PKD2L2: variants seen among roughly 807,000 people sequenced by gnomAD.
The protein encoded by PKD2L2 is polycystin 2 like 2, transient receptor potential cation channel.
Under a neutral mutation model 83.9 loss-of-function variants are expected in PKD2L2, and 67 were observed. The observed-to-expected ratio is 0.80, with a 90% confidence interval of 0.66 to 0.98. PKD2L2 has a LOEUF of 0.98. PKD2L2 is among the 50% of genes least tolerant of loss of function. PKD2L2 has a pLI of 0.00. For synonymous variants in PKD2L2, 223 were observed against 237.8 expected, an observed-to-expected ratio of 0.94 and a Z score of 0.57; for missense variants, 632 against 717.2, an observed-to-expected ratio of 0.88 and a Z score of 1.36.
In PKD2L2 at chr5:137,935,844, GA is replaced by G; in HGVS notation, c.1724del (p.Lys575SerfsTer38). 2 of 1,612,040 alleles carry G rather than the reference GA, an allele frequency of 1.2e-6. No individual in the cohort carries two copies. Among genetic ancestry groups the G allele is most frequent in the Non-Finnish European group, 1.7e-6 (2 of 1,178,246 alleles). ...QMKKWKERLEKKYYSMEIQDD... is the reference protein window; with the variant it reads ...QMKKWKERLEXKYYSMEIQDD... ...TGAAAAAATGGAAAGAGAGGCTTGAGAAAAAGTATTATTCTATGGAAATTCA... is the reference window on the plus strand; with the variant it reads ...TGAAAAAATGGAAAGAGAGGCTTGAGAAAAGTATTATTCTATGGAAATTCA... On this transcript the variant is annotated frameshift_variant, in exon 13 of 15. Transcript: ENST00000508883. LOFTEE classifies it high-confidence loss of function.
At position 137,907,805 on chromosome 5, in the gene PKD2L2, C is replaced by A; in HGVS notation, c.1039C>A (p.Gln347Lys). 1.9e-6 allele frequency: 3 copies of A among 1,588,738 alleles called. No homozygotes were observed. The highest frequency in any genetic ancestry group is 8.6e-7 in the Non-Finnish European group (1 of 1,162,194). ...YNVQIFLLLG[Q>K]LLKSTEKYSD... ...TGTACAAATTTTTCTCTTACTTGGACAGCTGTTGAAAAGTACTGAAAAATA... is the reference window on the plus strand; with the variant it reads ...TGTACAAATTTTTCTCTTACTTGGAAAGCTGTTGAAAAGTACTGAAAAATA... Residue 347 changes from glutamine to lysine, a missense_variant, in exon 7 of 15, where the codon CAG becomes AAG. By Grantham distance (53) the Gln-to-Lys change is moderately conservative (BLOSUM62 1). This residue lies in a region of PKD2L2 where 399 missense variants were observed against 416.9 expected (regional missense o/e 0.96). Coordinates refer to ENST00000508883, the MANE Select transcript of PKD2L2 (RefSeq NM_001300921.2).
At chr5:137,933,050 CAA>C (rs34015851) in intron 12 of PKD2L2, among the ~76,000 whole-genome samples, 1 of 122,694 alleles carries the variant, frequency 8.2e-6, no homozygotes, top group Admixed American at 8.3e-5. Context: ...CAAAACAAAC[CAA>C]AAAAAAAAAA....
At chr5:137,928,869 C>A (rs1272317840) in intron 12 of PKD2L2, among the ~76,000 whole-genome samples, 1 of 152,194 alleles carries the variant, frequency 6.6e-6, no homozygotes, top group Non-Finnish European at 1.5e-5. Flanking sequence ...CCACTGTGCC[C>A]AGCCCTATTT....
At chr5:137,893,963 A>T (rs1756218041) in intron 3 of PKD2L2, among the ~76,000 whole-genome samples, 1 of 152,212 alleles carries the variant, frequency 6.6e-6, no homozygotes, top group Non-Finnish European at 1.5e-5. Flanking sequence ...AGCCAGGAGT[A>T]GCAGGCACCA....
At position 137,914,272 on chromosome 5, in the gene PKD2L2, T is replaced by C. The variant is rs920882514; in HGVS notation, c.1328+5326T>C. ...AAGTCTGAAAACCACAAATTTGAAA[T>C]GTTCCAAAATTCAAAACTTTTTGAG... On this transcript the variant is annotated intron_variant, in intron 8 of 14. Transcript: ENST00000508883. Among the ~76,000 whole-genome samples the C allele has an allele frequency of 4.6e-5, 7 of 152,150 alleles. No individual in the cohort carries two copies. In the East Asian group the frequency reaches 1.2e-3, roughly 25 times the overall value.
chr5:137,893,403 C>T (rs1025612464), intron 3 of PKD2L2, among the ~76,000 whole-genome samples: 5 of 152,110 alleles, frequency 3.3e-5, no homozygotes, highest in Non-Finnish European at 7.4e-5. Context: ...AACATGCTCA[C>T]ATTATGAAGA....
chr5:137,937,452 G>A (rs1760535917), intron 14 of PKD2L2, among the ~76,000 whole-genome samples: 1 of 152,212 alleles, frequency 6.6e-6, no homozygotes, highest in African/African-American at 2.4e-5. Flanking sequence ...AAAGTTGTGT[G>A]TGGCTGGCAT....
chr5:137,893,543 C>T lies in PKD2L2; in HGVS notation c.268-810C>T, dbSNP rs80127172. Among the ~76,000 whole-genome samples the T allele has an allele frequency of 2.0e-5, 3 of 152,188 alleles. No homozygotes were observed. In the East Asian group the frequency reaches 5.8e-4, roughly 29 times the overall value. On this transcript the variant is annotated intron_variant, in intron 3 of 14. Transcript: ENST00000508883. ...ATGACAATTTAGTTGCATTTTGAAG[C>T]ATGAATCAGGGATGGGTATTTTAGG...
At chr5:137,891,867 T>C (rs143469680) in intron 2 of PKD2L2, among the ~76,000 whole-genome samples, 373 of 152,232 alleles carry the variant, frequency 2.5e-3, no homozygotes, top group Admixed American at 4.2e-3. Flanking sequence ...ATGTTTTTAG[T>C]AGAGACAGGG....
intron 5 of PKD2L2, among the ~76,000 whole-genome samples, chr5:137,900,137 A>T (rs1756825251): frequency 6.6e-6 from 1 of 152,370 alleles, no homozygotes; most frequent in Admixed American, 6.5e-5. Context: ...AAGATGTAGT[A>T]CTATATCATA....
chr5:137,939,433 T>C (rs1471796049), intron 14 of PKD2L2: 4 of 152,780 alleles, frequency 2.6e-5, no homozygotes, highest in African/African-American at 9.6e-5. Flanking sequence ...AGCGCGGATC[T>C]GATCCAGACA....
chr5:137,891,470 A>G lies in PKD2L2; in HGVS notation c.133+888A>G, dbSNP rs77342719. ...GACAGGCTGAGACCCTGTCCCAAGG[A>G]AAAAAAAAAAAAAGATAACTGTAGG... On this transcript the variant is annotated intron_variant, in intron 2 of 14. Transcript: ENST00000508883. Among the ~76,000 whole-genome samples, 23 of 143,330 alleles carry G rather than the reference A, an allele frequency of 1.6e-4. No individual in the cohort carries two copies. The East Asian group carries it at 3.4e-3, about 21-fold the overall frequency. The allele number at this position is 143,330 out of a possible 152,430, so 94.0% of individuals were successfully genotyped here.
rs1366985517 is a variant in PKD2L2, at chr5:137,925,017, AAACTATTTTAAATTATGCCCAG to A, written c.1552-21_1552del. On this transcript the variant is annotated splice_acceptor_variant and splice_polypyrimidine_tract_variant and intron_variant, in intron 10 of 14. Coordinates refer to ENST00000508883, the MANE Select transcript of PKD2L2 (RefSeq NM_001300921.2). LOFTEE classifies it high-confidence loss of function. Reference sequence around the variant, plus strand: ...CAAGGATATATTTTAATGCATTTTCAAACTATTTTAAATTATGCCCAGAGTTACAAAAATGTTCTCGAGAAAT... The same window carrying A: ...CAAGGATATATTTTAATGCATTTTCAAGTTACAAAAATGTTCTCGAGAAAT... 1 of 1,398,204 alleles carries A rather than the reference AAACTATTTTAAATTATGCCCAG, an allele frequency of 7.2e-7. No individual in the cohort carries two copies. Among genetic ancestry groups the A allele is most frequent in the South Asian group, 1.2e-5 (1 of 84,242 alleles). The allele number at this position is 1,398,204 out of a possible 1,614,324, so 86.6% of individuals were successfully genotyped here. A position where few individuals can be genotyped will look rare whatever the true frequency, so the allele number is the denominator to read the frequency against.
chr5:137,890,680 C>A, intron 2 of PKD2L2, 98 bp downstream of exon 2: 1 of 553,534 alleles, frequency 1.8e-6, no homozygotes, highest in Non-Finnish European at 3.2e-6. Context: ...CACAGGCTGT[C>A]AGGCTACTAA....
At chr5:137,895,096 G>A (rs142261901) in intron 4 of PKD2L2, among the ~76,000 whole-genome samples, 30 of 152,262 alleles carry the variant, frequency 2.0e-4, no homozygotes, top group African/African-American at 7.2e-4. Context: ...ATCTGATGAT[G>A]CTTTACAAAG....
intron 14 of PKD2L2, among the ~76,000 whole-genome samples, chr5:137,941,368 G>C (rs958971412): frequency 6.6e-6 from 1 of 152,130 alleles, no homozygotes; most frequent in Non-Finnish European, 1.5e-5. Context: ...TGAGATAACT[G>C]AACCCAAACT....
rs1163539948 is a variant in PKD2L2 at position 137,894,613 on chromosome 5, A to G, written c.524+4A>G. The G allele has an allele frequency of 6.2e-7, 1 of 1,602,460 alleles. No homozygotes were observed. The highest frequency in any genetic ancestry group is 8.5e-7 in the Non-Finnish European group (1 of 1,172,152). On this transcript the variant is annotated splice_donor_region_variant and intron_variant, in intron 4 of 14. Coordinates refer to ENST00000508883, the MANE Select transcript of PKD2L2 (RefSeq NM_001300921.2). ...TTGGCCTTCAAATTAATACTGAGTA[A>G]GTAGCATAAAATTATACTGTAACTT...
At position 137,906,357 on chromosome 5, in the gene PKD2L2, GA is replaced by G; in HGVS notation, c.900del (p.Val301SerfsTer4). 6.2e-7 allele frequency: 1 copy of G among 1,609,528 alleles called. No homozygotes were observed. Among genetic ancestry groups the G allele is most frequent in the South Asian group, 1.1e-5 (1 of 90,668 alleles). On this transcript the variant is annotated frameshift_variant, in exon 6 of 15. Coordinates refer to ENST00000508883, the MANE Select transcript of PKD2L2 (RefSeq NM_001300921.2). LOFTEE classifies it high-confidence loss of function. ...TTTTCTTTTTGTCTTCACAACACAA[GA>G]AGTCAAAAAAATAAAAGAATTTAAG... ...CIFLFVFTTQ[E>X]VKKIKEFKSA...
chr5:137,907,774 C>T lies in PKD2L2; in HGVS notation c.1008C>T (p.Tyr336=). 1 of 1,573,376 alleles carries T rather than the reference C, an allele frequency of 6.4e-7. No homozygotes were observed. Among genetic ancestry groups the T allele is most frequent in the Non-Finnish European group, 8.6e-7 (1 of 1,158,872 alleles). Reference sequence around the variant, plus strand: ...TTGTGGCTGTTTCCTTCAACACATACTATAATGTACAAATTTTTCTCTTAC... The same window carrying T: ...TTGTGGCTGTTTCCTTCAACACATATTATAATGTACAAATTTTTCTCTTAC... ...LCFVAVSFNT[Y]YNVQIFLLLG... Residue 336 remains tyrosine, a synonymous_variant, in exon 7 of 15, where the codon TAC becomes TAT. Transcript: ENST00000508883.
Sources: gnomAD v4.1 joint callset for allele counts (sites outside exome capture counted in the v4.1 genomes callset) on GRCh38, gnomAD v4.1.1 for gene constraint, gnomAD v4.1.1 regional missense constraint, MANE v1.5 for transcripts, NCBI Gene and HGNC (gene_info 2026-07-23, HGNC 2026-07-21) for gene names.